The following TANC2 variants were observed in gnomAD, a reference collection of about 807,000 sequenced individuals.
TANC2 encodes tetratricopeptide repeat, ankyrin repeat and coiled-coil containing 2.
Under a neutral mutation model 210.5 loss-of-function variants are expected in TANC2, and 26 were observed. The observed-to-expected ratio is 0.12, with a 90% CI of 0.09 to 0.17. The LOEUF (loss-of-function observed/expected upper bound fraction) is 0.17. TANC2 is among the 10% of genes least tolerant of loss of function. TANC2 has a pLI of 1.00. For synonymous variants in TANC2, 931 were observed against 967.1 expected (o/e 0.96, Z 0.69); for missense variants, 2,129 against 2,608.9 (o/e 0.82, Z 4.01).
intron 6 of TANC2, among the ~76,000 whole-genome samples, chr17:63,194,801 G>A (rs1404311614): frequency 4.6e-5 from 7 of 151,566 alleles, no homozygotes; most frequent in Non-Finnish European, 1.0e-4. Flanking sequence ...CTAAGTATCC[G>A]TCTCAGAAAG....
At chr17:63,143,816 A>G (rs2039372909) in intron 4 of TANC2, among the ~76,000 whole-genome samples, 2 of 152,092 alleles carry the variant, frequency 1.3e-5, no homozygotes, top group South Asian at 2.1e-4. Context: ...AGGAGTTAGT[A>G]TAAAAGTCTT....
intron 8 of TANC2, among the ~76,000 whole-genome samples, chr17:63,262,397 C>G (rs905106007): frequency 6.6e-6 from 1 of 152,150 alleles, no homozygotes; most frequent in Non-Finnish European, 1.5e-5. Context: ...CTTTGATGCC[C>G]CGGCTGGTCT....
chr17:63,018,093 A>C (rs1008094799), intron 2 of TANC2, among the ~76,000 whole-genome samples: 4 of 152,032 alleles, frequency 2.6e-5, no homozygotes, highest in Non-Finnish European at 5.9e-5. Flanking sequence ...GCACCACTGC[A>C]CTCCAGCCTG....
At chr17:63,092,831 T>G (rs2037252013) in intron 3 of TANC2, among the ~76,000 whole-genome samples, 1 of 152,240 alleles carries the variant, frequency 6.6e-6, no homozygotes, top group Middle Eastern at 3.4e-3. Flanking sequence ...TGATTACAGT[T>G]CAACATGAGA....
In TANC2 at chr17:63,412,230, C is replaced by T; in HGVS notation, c.3898+100C>T. On this transcript the variant is annotated intron_variant, in intron 23 of 27. Transcript: ENST00000689528. The surrounding 1 kb of genome is among the most constrained non-coding windows in gnomAD (Gnocchi z 4.2). ...TATTTGGTGTGAGTGTATATAGTTC[C>T]CCCTCCTCCCTGGCCCAATTATTGT... The T allele has an allele frequency of 1.3e-6, 2 of 1,506,076 alleles. No homozygotes were observed. Among genetic ancestry groups the T allele is most frequent in the Non-Finnish European group, 1.8e-6 (2 of 1,106,402 alleles). 93.3% of individuals were successfully genotyped at this position (1,506,076 alleles called of 1,614,324 possible). A position where few individuals can be genotyped will look rare whatever the true frequency, so the allele number is the denominator to read the frequency against.
At chr17:63,027,781 C>A (rs1278061601) in intron 2 of TANC2, among the ~76,000 whole-genome samples, 1 of 152,064 alleles carries the variant, frequency 6.6e-6, no homozygotes, top group Admixed American at 6.6e-5. Flanking sequence ...CAATCATAGA[C>A]TCTTTGTCCT....
chr17:63,240,590 T>C (rs899388998), intron 8 of TANC2, among the ~76,000 whole-genome samples: 7 of 152,158 alleles, frequency 4.6e-5, no homozygotes, highest in Non-Finnish European at 1.0e-4. Context: ...AGTTGTATCC[T>C]GTACCTTCAG....
At chr17:63,050,406 T>G (rs1183629645) in intron 2 of TANC2, among the ~76,000 whole-genome samples, 1 of 150,572 alleles carries the variant, frequency 6.6e-6, no homozygotes, top group East Asian at 1.9e-4. Flanking sequence ...GGTAGGCAAC[T>G]CCATAAATAT....
intron 7 of TANC2, among the ~76,000 whole-genome samples, chr17:63,208,607 G>T (rs1388037952): frequency 3.3e-5 from 5 of 152,082 alleles, no homozygotes; most frequent in Non-Finnish European, 7.4e-5. Flanking sequence ...AATGAGTGAT[G>T]AATTTACAAC....
intron 8 of TANC2, among the ~76,000 whole-genome samples, chr17:63,258,921 A>G (rs1280332103): frequency 2.6e-5 from 4 of 152,182 alleles, no homozygotes; most frequent in Admixed American, 2.6e-4. Flanking sequence ...CAAAAAGGGA[A>G]TACACAGAGT....
intron 12 of TANC2, among the ~76,000 whole-genome samples, chr17:63,346,742 G>GT (rs796710240): frequency 2.6e-5 from 4 of 152,238 alleles, no homozygotes; most frequent in African/African-American, 9.6e-5. Flanking sequence ...CTCTCACTCT[G>GT]TAGCCAAGCT....
chr17:63,192,475 A>G (rs1233127026), intron 5 of TANC2, among the ~76,000 whole-genome samples: 1 of 152,232 alleles, frequency 6.6e-6, no homozygotes, highest in Non-Finnish European at 1.5e-5. Flanking sequence ...TGAGATTAAC[A>G]TGCTATGAGC....
At chr17:63,022,029 T>G (rs1411851951) in intron 2 of TANC2, among the ~76,000 whole-genome samples, 1 of 152,076 alleles carries the variant, frequency 6.6e-6, no homozygotes, top group Non-Finnish European at 1.5e-5. Context: ...TAGGTCTTTA[T>G]GGAAGGTGGA....
intron 9 of TANC2, among the ~76,000 whole-genome samples, chr17:63,308,295 A>G (rs1401831736): frequency 6.6e-6 from 1 of 152,148 alleles, no homozygotes; most frequent in Non-Finnish European, 1.5e-5. Context: ...CTCTACATCT[A>G]GTTTTTTGAC....
At chr17:63,322,103 A>C (rs1033339455) in intron 11 of TANC2, among the ~76,000 whole-genome samples, 10 of 152,160 alleles carry the variant, frequency 6.6e-5, no homozygotes, top group Non-Finnish European at 7.4e-5. Context: ...CTCATCTATA[A>C]ATGGGCTTCT....
chr17:63,389,531 A>T, exon 17 of TANC2: 1 of 1,607,858 alleles, frequency 6.2e-7, no homozygotes, highest in Non-Finnish European at 8.5e-7. Flanking sequence ...CTGCTGTGCA[A>T]GAAACGGGCC....
At chr17:63,203,268 A>C (rs1426157437) in intron 7 of TANC2, among the ~76,000 whole-genome samples, 1 of 152,222 alleles carries the variant, frequency 6.6e-6, no homozygotes, top group East Asian at 1.9e-4. Context: ...ATAAATTTAC[A>C]TCAAATTCAT....
chr17:63,071,469 A>G (rs1346865855), intron 2 of TANC2, among the ~76,000 whole-genome samples: 1 of 152,000 alleles, frequency 6.6e-6, no homozygotes, highest in African/African-American at 2.4e-5. Flanking sequence ...AGAATTTCTT[A>G]AATAGTGGTC....
intron 18 of TANC2, chr17:63,396,210 C>T (rs550854793): frequency 2.8e-6 from 1 of 352,140 alleles, no homozygotes; most frequent in Non-Finnish European, 5.3e-6. Context: ...GGCACCAAGG[C>T]TCAAAGAGAT....
Sources: gnomAD v4.1 joint callset for allele counts (sites outside exome capture counted in the v4.1 genomes callset) on GRCh38, gnomAD v4.1.1 for gene constraint, Gnocchi (gnomAD v3.1) non-coding constraint, MANE v1.5 for transcripts, NCBI Gene and HGNC (gene_info 2026-07-23, HGNC 2026-07-21) for gene names.